The following FBN2 variants were observed in gnomAD, a reference collection of about 807,000 sequenced individuals.
The protein encoded by FBN2 is fibrillin-2.
Under a neutral mutation model 355.6 loss-of-function variants are expected in FBN2, and 105 were observed. The observed-to-expected ratio is 0.30, with a 90% CI of 0.25 to 0.35. The LOEUF is 0.35. Ranked by LOEUF, FBN2 falls within the 10% of genes least tolerant of loss-of-function variation. The pLI is 1.00. For missense variants in FBN2, 3,280 were observed against 3,758.7 expected (o/e 0.87, Z 3.33); for synonymous variants, 1,350 against 1,301.2 (o/e 1.04, Z -0.81).
chr5:128,314,908 T>C (rs1750159775), intron 36 of FBN2, among the ~76,000 whole-genome samples: 1 of 152,170 alleles, frequency 6.6e-6, no homozygotes, highest in Admixed American at 6.5e-5. Context: ...TGGTGTATAA[T>C]TGCTTTTAAA....
At chr5:128,479,976 CTATATATATATATATATATA>C (rs200921131) in intron 5 of FBN2, among the ~76,000 whole-genome samples, 1,892 of 28,790 alleles carry the variant, frequency 0.066, 34 homozygotes, top group Middle Eastern at 0.14. Context: ...CTCTCTCTCT[CTATATATATATATATATATA>C]TATATATATA....
At chr5:128,299,434 C>CGCTGCCGCCTG in intron 48 of FBN2, among the ~76,000 whole-genome samples, 1 of 122,940 alleles carries the variant, frequency 8.1e-6, no homozygotes, top group African/African-American at 3.4e-5. Flanking sequence ...CCCCCAGCCT[C>CGCTGCCGCCTG]ACAGTTTGAT....
intron 36 of FBN2, 113 bp downstream of exon 36, chr5:128,318,033 CATA>C (rs1394175045): frequency 4.6e-6 from 5 of 1,087,494 alleles, no homozygotes; most frequent in Non-Finnish European, 7.0e-6. Context: ...AAGGCGACCA[CATA>C]ATGTTTTGTT....
chr5:128,414,729 A>G (rs1031493365), intron 7 of FBN2, among the ~76,000 whole-genome samples: 3 of 152,260 alleles, frequency 2.0e-5, no homozygotes, highest in Non-Finnish European at 2.9e-5. Flanking sequence ...AAGCAGCTGT[A>G]ATAATTTACA....
chr5:128,491,694 G>T (rs1420007467), intron 5 of FBN2, among the ~76,000 whole-genome samples: 1 of 151,912 alleles, frequency 6.6e-6, no homozygotes, highest in African/African-American at 2.4e-5. Flanking sequence ...AGCATAAAGA[G>T]GAAAAATGCA....
chr5:128,384,110 G>T (rs563795079), intron 11 of FBN2, among the ~76,000 whole-genome samples: 3 of 152,080 alleles, frequency 2.0e-5, no homozygotes, highest in South Asian at 2.1e-4. Context: ...ACAACAAAAA[G>T]AAATAAATGA....
At chr5:128,403,102 A>G (rs371126087) in intron 8 of FBN2, among the ~76,000 whole-genome samples, 2 of 152,008 alleles carry the variant, frequency 1.3e-5, no homozygotes, top group African/African-American at 4.8e-5. Flanking sequence ...TTTCAAATGC[A>G]CACATGCATG....
At chr5:128,386,556 G>A (rs1752371259) in intron 11 of FBN2, among the ~76,000 whole-genome samples, 1 of 152,004 alleles carries the variant, frequency 6.6e-6, no homozygotes, top group Non-Finnish European at 1.5e-5. Flanking sequence ...TTCTAATTCT[G>A]TAAATAATGT....
Position 128,376,746 on chromosome 5 carries a change from C to T in FBN2, c.1957G>A (p.Gly653Arg), listed in dbSNP as rs1321050384. Residue 653 changes from glycine (G) to arginine (R), a missense_variant, in exon 14 of 65, where the codon GGG becomes AGG. By Grantham distance (125) the Gly-to-Arg change is moderately radical (BLOSUM62 -2). Around this residue, in one of 6 missense-constraint regions of FBN2, gnomAD observed 2,284 missense variants for 2,749.5 expected, o/e 0.83. Coordinates refer to ENST00000262464, the MANE Select transcript of FBN2 (RefSeq NM_001999.4). ...CKPGFVLAPN[G>R]RYCTDVDECQ... ...CCACACATACCAGTACAGTAACGCC[C>T]ATTTGGAGCCAAGACAAATCCTGGT... 6.2e-7 allele frequency: 1 copy of T among 1,613,678 alleles called. No homozygotes were observed. The highest frequency in any genetic ancestry group is 1.7e-5 in the Admixed American group (1 of 59,988).
At chr5:128,392,233 T>A in intron 10 of FBN2, 78 bp from the exon 11 acceptor site, 1 of 1,253,734 alleles carries the variant, frequency 8.0e-7, no homozygotes, top group Non-Finnish European at 1.2e-6. Context: ...TAAAGGACAT[T>A]TAATAGTAAA....
chr5:128,295,411 G>A (rs1440824521), intron 48 of FBN2, among the ~76,000 whole-genome samples: 5 of 150,508 alleles, frequency 3.3e-5, no homozygotes, highest in African/African-American at 4.9e-5. Context: ...CATTGAATCT[G>A]TAAATTACCT....
At chr5:128,512,534 A>AG (rs34066295) in intron 5 of FBN2, among the ~76,000 whole-genome samples, 3 of 151,110 alleles carry the variant, frequency 2.0e-5, no homozygotes, top group African/African-American at 7.3e-5. Flanking sequence ...AAAAAAAAAA[A>AG]GCATATCAGA....
intron 5 of FBN2, among the ~76,000 whole-genome samples, chr5:128,477,734 T>C (rs1223844729): frequency 6.6e-6 from 1 of 152,168 alleles, no homozygotes; most frequent in Admixed American, 6.6e-5. Flanking sequence ...AGTACAAGTG[T>C]ATCTGACACC....
At chr5:128,313,264 C>T (rs1466034095) in intron 36 of FBN2, among the ~76,000 whole-genome samples, 2 of 152,152 alleles carry the variant, frequency 1.3e-5, no homozygotes, top group Non-Finnish European at 2.9e-5. Flanking sequence ...TTTATCTCTA[C>T]AGTTATCATC....
chr5:128,464,608 A>C (rs1054931501), intron 6 of FBN2, 116 bp downstream of exon 6: 4 of 1,125,708 alleles, frequency 3.6e-6, no homozygotes, highest in Admixed American at 1.7e-5. Context: ...TAACGAGGCC[A>C]CTCTTGGAAA....
At chr5:128,376,991 G>C in intron 13 of FBN2, 138 bp from the exon 14 acceptor site, 1 of 1,016,698 alleles carries the variant, frequency 9.8e-7, no homozygotes, top group South Asian at 1.3e-5. Context: ...TTTAAAAAAA[G>C]AACGCCAACT....
chr5:128,519,165 G>C, intron 5 of FBN2, 108 bp downstream of exon 5: 3 of 801,198 alleles, frequency 3.7e-6, no homozygotes, highest in Non-Finnish European at 6.4e-6. Context: ...TCAAAGAAGA[G>C]TAAAAATATA....
intron 34 of FBN2, among the ~76,000 whole-genome samples, chr5:128,326,670 G>C (rs1286198428): frequency 6.6e-6 from 1 of 152,182 alleles, no homozygotes; most frequent in East Asian, 1.9e-4. Context: ...GTGGAGAGGA[G>C]AGAAAAACAA....
At chr5:128,480,881 T>C (rs1561477990) in intron 5 of FBN2, among the ~76,000 whole-genome samples, 1 of 152,212 alleles carries the variant, frequency 6.6e-6, no homozygotes, top group East Asian at 1.9e-4. Context: ...AGACTAAAGA[T>C]GAGAGAGGCA....
Sources: allele counts gnomAD v4.1 joint callset (sites outside exome capture counted in the v4.1 genomes callset), GRCh38; gene constraint gnomAD v4.1.1; regional missense constraint gnomAD v4.1.1; transcripts MANE v1.5; gene names NCBI Gene and HGNC (gene_info 2026-07-23, HGNC 2026-07-21).